Variants in LGR5 observed in about 807,000 individuals in gnomAD.
LGR5 encodes leucine rich repeat containing G protein-coupled receptor 5, also known as leucine-rich repeat-containing G protein-coupled receptor 5.
In LGR5, 54 loss-of-function variants were observed where a neutral mutation model predicts 76.7. That is an observed-to-expected ratio of 0.70 (90% CI 0.57 to 0.88). The LOEUF is 0.88. Among genes scored for constraint, LGR5 ranks in the 40% least tolerant of loss-of-function variants. The pLI, the probability that LGR5 is intolerant of heterozygous loss-of-function variation, is 0.00. For missense variants in LGR5, 1,078 were observed against 1,073.3 expected (o/e 1.00, Z -0.06); for synonymous variants, 406 against 421.9 (o/e 0.96, Z 0.46).
At chr12:71,446,384 T>G (rs912987400) in intron 1 of LGR5, among the ~76,000 whole-genome samples, 1 of 152,224 alleles carries the variant, frequency 6.6e-6, no homozygotes, top group Non-Finnish European at 1.5e-5. Context: ...TAATAACTGA[T>G]AGTTGTATTG....
intron 6 of LGR5, 150 bp from the exon 7 acceptor site, chr12:71,559,436 A>G: frequency 1.7e-6 from 1 of 578,838 alleles, no homozygotes; most frequent in Non-Finnish European, 3.1e-6. Flanking sequence ...GTAGTCAGCA[A>G]GCCAAGAAAA....
In LGR5 at chr12:71,535,113, A is replaced by T; in HGVS notation, c.357-2A>T. On this transcript the variant is annotated splice_acceptor_variant, in intron 3 of 17. Coordinates refer to ENST00000266674, the MANE Select transcript of LGR5 (RefSeq NM_003667.4). LOFTEE classifies it high-confidence loss of function. ...TTTTTCTTTATTTCTTTTAACATAC[A>T]GTATGCTGCAGAATAATCAGCTAAG... 6.2e-7 allele frequency: 1 copy of T among 1,604,104 alleles called. No individual in the cohort carries two copies. Among genetic ancestry groups the T allele is most frequent in the South Asian group, 1.1e-5 (1 of 90,588 alleles).
chr12:71,584,104 T>A lies in LGR5; in HGVS notation c.2094T>A (p.Val698=). The A allele has an allele frequency of 3.1e-6, 5 of 1,614,222 alleles. No individual in the cohort carries two copies. The highest frequency in any genetic ancestry group is 3.4e-6 in the Non-Finnish European group (4 of 1,180,054). ...TGCTGGCCTTGACCATGGCCGCAGT[T>A]CCCCTGCTGGGTGGCAGCAAGTATG... is the stretch of plus-strand genomic sequence containing the variant. ...CALLALTMAA[V]PLLGGSKYGA... Residue 698 remains valine (V), a synonymous_variant, in exon 18 of 18, where the codon GTT becomes GTA. Coordinates refer to ENST00000266674, the MANE Select transcript of LGR5 (RefSeq NM_003667.4).
intron 13 of LGR5, among the ~76,000 whole-genome samples, chr12:71,577,300 C>T (rs1878899971): frequency 6.6e-6 from 1 of 152,182 alleles, no homozygotes; most frequent in Non-Finnish European, 1.5e-5. Context: ...TAATTATCTG[C>T]AGTTCATTAC....
At chr12:71,571,806 C>A (rs754340315) in intron 12 of LGR5, among the ~76,000 whole-genome samples, 1 of 152,078 alleles carries the variant, frequency 6.6e-6, no homozygotes, top group Non-Finnish European at 1.5e-5. Flanking sequence ...TATTATATAT[C>A]CGCTTTTTTC....
At chr12:71,482,859 A>G (rs571632671) in intron 1 of LGR5, among the ~76,000 whole-genome samples, 1 of 152,232 alleles carries the variant, frequency 6.6e-6, no homozygotes, top group Non-Finnish European at 1.5e-5. Flanking sequence ...GTGAATACTC[A>G]TATCATGAAT....
chr12:71,583,876 C>T lies in LGR5; in HGVS notation c.1866C>T (p.Gly622=). Residue 622 remains glycine, a synonymous_variant, in exon 18 of 18, where the codon GGC becomes GGT. Coordinates refer to ENST00000266674, the MANE Select transcript of LGR5 (RefSeq NM_003667.4). The part of the protein sequence containing the change: ...VLAGVDAFTF[G]SFARHGAWWE... ...CTGGTGTGGATGCGTTCACTTTTGG[C>T]AGCTTTGCACGACATGGTGCCTGGT... The T allele has an allele frequency of 6.2e-7, 1 of 1,614,110 alleles. No individual in the cohort carries two copies.
At chr12:71,493,140 A>G (rs1236487304) in intron 1 of LGR5, among the ~76,000 whole-genome samples, 1 of 151,418 alleles carries the variant, frequency 6.6e-6, no homozygotes, top group Admixed American at 6.5e-5. Flanking sequence ...ATTTGTATAC[A>G]TAGTTGAATA....
chr12:71,488,147 T>G (rs756607082), intron 1 of LGR5, among the ~76,000 whole-genome samples: 3 of 152,218 alleles, frequency 2.0e-5, no homozygotes, highest in Non-Finnish European at 4.4e-5. Flanking sequence ...AACAGTAGAC[T>G]TTAGAGGATG....
chr12:71,577,961 C>T lies in LGR5; in HGVS notation c.1245C>T (p.Pro415=). 1 of 1,613,622 alleles carries T rather than the reference C, an allele frequency of 6.2e-7. No individual in the cohort carries two copies. The highest frequency in any genetic ancestry group is 8.5e-7 in the Non-Finnish European group (1 of 1,179,600). Residue 415 remains proline, a synonymous_variant, in exon 14 of 18, where the codon CCC becomes CCT. Transcript: ENST00000266674. The stretch of plus-strand genomic sequence containing the variant: ...GGAACAAAATTGCTATTATTCACCC[C>T]AATGCATTTTCCACTTTGCCATCCC... ...LAWNKIAIIH[P]NAFSTLPSLI...
At chr12:71,583,100 C>CA (rs35155446) in intron 17 of LGR5, among the ~76,000 whole-genome samples, 203 of 151,482 alleles carry the variant, frequency 1.3e-3, no homozygotes, top group Non-Finnish European at 2.6e-3. Context: ...TGTCTCATTC[C>CA]AAAAAACAGG....
rs1209993088 is a variant in LGR5, at chr12:71,584,476, G to A, written c.2466G>A (p.Leu822=). Residue 822 remains leucine (L), a synonymous_variant, in exon 18 of 18, where the codon TTG becomes TTA. Coordinates refer to ENST00000266674, the MANE Select transcript of LGR5 (RefSeq NM_003667.4). ...GTCTCAATCCCCTTCTCTACATCTTGTTCAATCCTCACTTTAAGGAGGATC... is the reference window on the plus strand; with the variant it reads ...GTCTCAATCCCCTTCTCTACATCTTATTCAATCCTCACTTTAAGGAGGATC... ...PACLNPLLYI[L]FNPHFKEDLV... is the part of the protein sequence containing the mutation. 2 of 1,613,964 alleles carry A rather than the reference G, an allele frequency of 1.2e-6. No homozygotes were observed. Among genetic ancestry groups the A allele is most frequent in the Non-Finnish European group, 1.7e-6 (2 of 1,180,032 alleles).
At chr12:71,459,801 A>G (rs950041169) in intron 1 of LGR5, among the ~76,000 whole-genome samples, 10 of 151,996 alleles carry the variant, frequency 6.6e-5, no homozygotes, top group Admixed American at 1.3e-4. Flanking sequence ...GATAATTTAG[A>G]ATAATTATTA....
Position 71,440,010 on chromosome 12 carries a change from C to A in LGR5, c.-71C>A. 6.8e-7 allele frequency: 1 copy of A among 1,466,482 alleles called. No homozygotes were observed. The allele number at this position is 1,466,482 out of a possible 1,614,324, so 90.8% of individuals were successfully genotyped here. On this transcript the variant is annotated 5_prime_UTR_variant, in exon 1 of 18. Transcript: ENST00000266674. This position sits in a 1 kb window ranked among gnomAD's most constrained non-coding sequence, Gnocchi z 5.3. ...GAAGCCCACGGAGCGGCGCCCGGCG[C>A]GCCACGGCCCGTAGCAGTCCGGTGC...
intron 1 of LGR5, among the ~76,000 whole-genome samples, chr12:71,477,914 T>G (rs909618423): frequency 1.3e-5 from 2 of 152,216 alleles, no homozygotes; most frequent in African/African-American, 4.8e-5. Context: ...ACTCCTTGCC[T>G]CTGAGGCTCC....
chr12:71,531,050 G>A (rs966507192), intron 3 of LGR5, among the ~76,000 whole-genome samples: 3 of 151,152 alleles, frequency 2.0e-5, no homozygotes, highest in Non-Finnish European at 4.4e-5. Context: ...AGAGTAGCAT[G>A]GGGATGCTGT....
At chr12:71,473,110 T>C (rs1478349278) in intron 1 of LGR5, among the ~76,000 whole-genome samples, 1 of 152,234 alleles carries the variant, frequency 6.6e-6, no homozygotes, top group Non-Finnish European at 1.5e-5. Flanking sequence ...TAATTATTGC[T>C]AAATCTCCAC....
chr12:71,582,385 T>C lies in LGR5; in HGVS notation c.1553-71T>C, dbSNP rs1879128596. 4 of 1,225,098 alleles carry C rather than the reference T, an allele frequency of 3.3e-6. No individual in the cohort carries two copies. In the Admixed American group the frequency reaches 6.8e-5, roughly 21 times the overall value. The allele number at this position is 1,225,098 out of a possible 1,614,324, so 75.9% of individuals were successfully genotyped here. On this transcript the variant is annotated intron_variant, in intron 16 of 17. Transcript: ENST00000266674. The stretch of plus-strand genomic sequence containing the variant: ...TCATGTCTCCAGAATAACCCAGGAC[T>C]CTCCACTCTGGGATTTGGTCCCTTG...
chr12:71,460,524 T>C (rs761602752), intron 1 of LGR5, among the ~76,000 whole-genome samples: 4 of 152,170 alleles, frequency 2.6e-5, no homozygotes, highest in Non-Finnish European at 5.9e-5. Context: ...TTTTGTCTTC[T>C]ACTATCTGTT....
Sources: gnomAD v4.1 joint callset for allele counts (sites outside exome capture counted in the v4.1 genomes callset) on GRCh38, gnomAD v4.1.1 for gene constraint, Gnocchi (gnomAD v3.1) non-coding constraint, MANE v1.5 for transcripts, NCBI Gene and HGNC (gene_info 2026-07-23, HGNC 2026-07-21) for gene names.